Variants in VEGFC observed in about 807,000 individuals in gnomAD.
The protein encoded by VEGFC is vascular endothelial growth factor C.
Under a neutral mutation model 46.1 loss-of-function variants are expected in VEGFC, and 12 were observed. The ratio of observed to expected loss-of-function variants is 0.26; its 90% CI spans 0.17 to 0.42. The LOEUF is 0.42. VEGFC is among the 10% of genes least tolerant of loss of function. VEGFC has a pLI of 1.00. For missense variants in VEGFC, 488 were observed against 529.4 expected (o/e 0.92, Z 0.77); for synonymous variants, 232 against 195.5 (o/e 1.19, Z -1.56).
rs1308739894 is a variant in VEGFC, at chr4:176,763,061, G to T, written c.147+29104C>A. On this transcript the variant is annotated intron_variant, in intron 1 of 6. Transcript: ENST00000618562. ...TCTCCTCCTTGGGATATAATCAGGA[G>T]AAAGCTCTCATCCTAGTTGTGGTCT... Among the ~76,000 whole-genome samples, 38 of 152,378 alleles carry T rather than the reference G, an allele frequency of 2.5e-4. 1 individual carries two copies. Among genetic ancestry groups the T allele is most frequent in the African/African-American group, 8.9e-4 (37 of 41,602 alleles).
chr4:176,756,434 T>C (rs1176821694), intron 1 of VEGFC, among the ~76,000 whole-genome samples: 1 of 151,876 alleles, frequency 6.6e-6, no homozygotes, highest in African/African-American at 2.4e-5. Context: ...TTAGAACAGA[T>C]AAGGAAGGGT....
Position 176,792,276 on chromosome 4 carries a change from A to C in VEGFC, c.36T>G (p.Ser12=). 1.3e-6 allele frequency: 2 copies of C among 1,547,270 alleles called. No individual in the cohort carries two copies. Among genetic ancestry groups the C allele is most frequent in the Non-Finnish European group, 1.7e-6 (2 of 1,149,134 alleles). ...CCGGGAGCAGCGCAGCGGCGAGCAG[A>C]GAACACGCCACAGAGAAGAAGCCCA... ...HLLGFFSVAC[S]LLAAALLPGP... The change falls in exon 1 of 7, where the codon TCT becomes TCG. Residue 12 remains serine, a synonymous_variant. Transcript: ENST00000618562. The surrounding 1 kb of genome is among the most constrained non-coding windows in gnomAD (Gnocchi z 6.3).
intron 1 of VEGFC, among the ~76,000 whole-genome samples, chr4:176,767,525 T>C (rs1735648393): frequency 1.3e-5 from 2 of 152,172 alleles, no homozygotes; most frequent in African/African-American, 2.4e-5. Flanking sequence ...TTCGCTCACC[T>C]TGCCCCTGCA....
intron 1 of VEGFC, among the ~76,000 whole-genome samples, chr4:176,740,151 G>C (rs1237244475): frequency 9.3e-5 from 11 of 118,524 alleles, no homozygotes; most frequent in Non-Finnish European, 1.8e-4. Flanking sequence ...ATATATAGAA[G>C]TTATATATAT....
chr4:176,720,788 C>T (rs1734772517), intron 3 of VEGFC, among the ~76,000 whole-genome samples: 2 of 145,114 alleles, frequency 1.4e-5, no homozygotes, highest in Non-Finnish European at 3.0e-5. Flanking sequence ...TCACAGTGAG[C>T]TGAGTTCCTG....
At chr4:176,693,078 C>T (rs950566470) in intron 4 of VEGFC, among the ~76,000 whole-genome samples, 10 of 152,204 alleles carry the variant, frequency 6.6e-5, no homozygotes, top group South Asian at 2.1e-4. Flanking sequence ...GCCTCTCCTC[C>T]TCCAAAGAAA....
chr4:176,758,763 A>G (rs1288188033), intron 1 of VEGFC, among the ~76,000 whole-genome samples: 1 of 152,108 alleles, frequency 6.6e-6, no homozygotes, highest in Non-Finnish European at 1.5e-5. Context: ...GCATTCAAAT[A>G]CCAGTCGTCA....
Position 176,792,333 on chromosome 4 carries a change from G to A in VEGFC, c.-22C>T. Reference sequence around the variant, plus strand: ...GCATGGTGGAAGGACCGGGGGTGGGGGACCGGTCCGCTGGCGGGGGCAGGG... The same window carrying A: ...GCATGGTGGAAGGACCGGGGGTGGGAGACCGGTCCGCTGGCGGGGGCAGGG... On this transcript the variant is annotated 5_prime_UTR_variant, in exon 1 of 7. Transcript: ENST00000618562. The surrounding 1 kb of genome is among the most constrained non-coding windows in gnomAD (Gnocchi z 6.3). 5 of 1,465,432 alleles carry A rather than the reference G, an allele frequency of 3.4e-6. No homozygotes were observed. The highest frequency in any genetic ancestry group is 3.6e-6 in the Non-Finnish European group (4 of 1,111,528). The allele number at this position is 1,465,432 out of a possible 1,614,324, so 90.8% of individuals were successfully genotyped here. A position where few individuals can be genotyped will look rare whatever the true frequency, so the allele number is the denominator to read the frequency against.
At chr4:176,692,372 C>A (rs1734207943) in intron 4 of VEGFC, among the ~76,000 whole-genome samples, 1 of 133,072 alleles carries the variant, frequency 7.5e-6, no homozygotes, top group Admixed American at 7.2e-5. Context: ...CCAGCCTGGG[C>A]GACAGAGCGA....
Position 176,705,458 on chromosome 4 carries a change from C to T in VEGFC, c.704+6041G>A, listed in dbSNP as rs76506381. ...TTTATGAAACTTTCTGATATTGAGA[C>T]TTGAAAGTTTTTCTGTAAATACTAG... On this transcript the variant is annotated intron_variant, in intron 4 of 6. Transcript: ENST00000618562. Among the ~76,000 whole-genome samples the T allele has an allele frequency of 1.6e-3, 245 of 152,244 alleles. 1 individual carries two copies. The highest frequency in any genetic ancestry group is 5.8e-3 in the African/African-American group (240 of 41,542).
At position 176,683,682 on chromosome 4, in the gene VEGFC, T is replaced by C. The variant is rs1370172993; in HGVS notation, c.*244A>G. 3.0e-6 allele frequency: 1 copy of C among 328,220 alleles called. No homozygotes were observed. The allele number at this position is 328,220 out of a possible 1,614,324, so 20.3% of individuals were successfully genotyped here. On this transcript the variant is annotated 3_prime_UTR_variant, in exon 7 of 7. Coordinates refer to ENST00000618562, the MANE Select transcript of VEGFC (RefSeq NM_005429.5). ...GGAAATAAATTATATAGTCATTCTT[T>C]TAAAGAAATCACAAGAGGAAAATCT...
At chr4:176,730,679 C>T (rs112630092) in intron 1 of VEGFC, among the ~76,000 whole-genome samples, 91 of 152,126 alleles carry the variant, frequency 6.0e-4, no homozygotes, top group African/African-American at 2.1e-3. Context: ...AACTGTCCCC[C>T]ACCTCTCCAT....
chr4:176,687,180 C>A lies in VEGFC; in HGVS notation c.1145+7G>T. On this transcript the variant is annotated splice_region_variant and intron_variant, in intron 6 of 6. Coordinates refer to ENST00000618562, the MANE Select transcript of VEGFC (RefSeq NM_005429.5). ...ATAAATTAATATTCTTCATGAGGATCTCTTACCTGCATGTTTGGTGGTGGA... is the reference window on the plus strand; with the variant it reads ...ATAAATTAATATTCTTCATGAGGATATCTTACCTGCATGTTTGGTGGTGGA... 3.1e-6 allele frequency: 5 copies of A among 1,607,138 alleles called. No individual in the cohort carries two copies. The highest frequency in any genetic ancestry group is 4.2e-6 in the Non-Finnish European group (5 of 1,177,238).
intron 1 of VEGFC, among the ~76,000 whole-genome samples, chr4:176,785,921 C>G (rs1284337092): frequency 1.3e-5 from 2 of 152,086 alleles, no homozygotes; most frequent in African/African-American, 4.8e-5. Context: ...GCAGAGATGT[C>G]TATTTCTATA....
At chr4:176,736,193 T>C (rs1217900461) in intron 1 of VEGFC, among the ~76,000 whole-genome samples, 1 of 151,926 alleles carries the variant, frequency 6.6e-6, no homozygotes, top group Non-Finnish European at 1.5e-5. Context: ...TGGACAATGA[T>C]AGCTTTGAAT....
At chr4:176,753,836 A>C (rs1253009721) in intron 1 of VEGFC, among the ~76,000 whole-genome samples, 1 of 152,078 alleles carries the variant, frequency 6.6e-6, no homozygotes, top group African/African-American at 2.4e-5. Flanking sequence ...GAAATCTACA[A>C]ATTGACTAGG....
At chr4:176,764,756 T>C (rs1206400847) in intron 1 of VEGFC, among the ~76,000 whole-genome samples, 1 of 152,170 alleles carries the variant, frequency 6.6e-6, no homozygotes, top group Non-Finnish European at 1.5e-5. Flanking sequence ...TTTGGCTGAT[T>C]ACCAGAGGAT....
chr4:176,749,807 G>A (rs1735312569), intron 1 of VEGFC, among the ~76,000 whole-genome samples: 2 of 151,586 alleles, frequency 1.3e-5, no homozygotes, highest in Non-Finnish European at 3.0e-5. Flanking sequence ...TCTCTTACAT[G>A]ATTTTTTTCT....
chr4:176,787,323 G>C (rs1357444844), intron 1 of VEGFC, among the ~76,000 whole-genome samples: 7 of 151,878 alleles, frequency 4.6e-5, no homozygotes, highest in African/African-American at 1.7e-4. Context: ...CTGCTCTAGT[G>C]GCACATGCCT....
Sources: gnomAD v4.1 joint callset for allele counts (sites outside exome capture counted in the v4.1 genomes callset) on GRCh38, gnomAD v4.1.1 for gene constraint, Gnocchi (gnomAD v3.1) non-coding constraint, MANE v1.5 for transcripts, NCBI Gene and HGNC (gene_info 2026-07-23, HGNC 2026-07-21) for gene names.